DYNLRB2: variants seen among roughly 807,000 people sequenced by gnomAD.
The protein encoded by DYNLRB2 is dynein light chain roadblock-type 2.
Under a neutral mutation model 12.6 loss-of-function variants are expected in DYNLRB2, and 14 were observed. That is an observed-to-expected ratio of 1.11 (90% CI 0.73 to 1.73). The LOEUF (loss-of-function observed/expected upper bound fraction) is 1.73. Among genes scored for constraint, DYNLRB2 ranks in the 40% most tolerant of loss-of-function variants. DYNLRB2 has a pLI of 0.00. For synonymous variants in DYNLRB2, 53 were observed against 37.0 expected, an observed-to-expected ratio of 1.43 and a Z score of -1.57; for missense variants, 142 against 117.7, an observed-to-expected ratio of 1.21 and a Z score of -0.95.
rs752055022 is a variant in DYNLRB2, at chr16:80,549,624, A to G, written c.220A>G (p.Lys74Glu). Residue 74 changes from lysine to glutamate, a missense_variant, in exon 3 of 4, where the codon AAG becomes GAG. Lys to Glu is a moderately conservative substitution (Grantham distance 56). Coordinates refer to ENST00000305904, the MANE Select transcript of DYNLRB2 (RefSeq NM_130897.3). The part of the protein sequence containing the change: ...NDLTFLRIRS[K>E]KHEIMVAPDK... ...CCTGACTTTTCTTAGGATCAGATCA[A>G]AGAAACATGAAATCATGGTAGCTCC... 22 of 1,606,156 alleles carry G rather than the reference A, an allele frequency of 1.4e-5. No individual in the cohort carries two copies. The highest frequency in any genetic ancestry group is 1.8e-5 in the Non-Finnish European group (21 of 1,173,932).
chr16:80,543,181 G>A lies in DYNLRB2; in HGVS notation c.4-95G>A, dbSNP rs577335261. On this transcript the variant is annotated intron_variant, in intron 1 of 3. Transcript: ENST00000305904. ...CACACCTGGCACCTTAGGTTAAGGA[G>A]ATAGGAGAGTAGGTATCTTGCTAAA... The A allele has an allele frequency of 2.6e-4, 323 of 1,254,834 alleles. 1 individual carries two copies. The highest frequency in any genetic ancestry group is 1.2e-3 in the Middle Eastern group (6 of 5,080). 77.7% of individuals were successfully genotyped at this position (1,254,834 alleles called of 1,614,324 possible). A position where few individuals can be genotyped will look rare whatever the true frequency, so the allele number is the denominator to read the frequency against.
chr16:80,546,404 A>C (rs1446498396), intron 2 of DYNLRB2, among the ~76,000 whole-genome samples: 3 of 152,196 alleles, frequency 2.0e-5, no homozygotes, highest in South Asian at 4.1e-4. Context: ...TAGCATTTTC[A>C]GATTATATTT....
intron 2 of DYNLRB2, among the ~76,000 whole-genome samples, chr16:80,546,398 A>G (rs959734928): frequency 6.6e-6 from 1 of 152,158 alleles, no homozygotes; most frequent in Non-Finnish European, 1.5e-5. Context: ...TCATTTTAGC[A>G]TTTTCAGATT....
intron 1 of DYNLRB2, among the ~76,000 whole-genome samples, chr16:80,541,925 G>A (rs934581782): frequency 6.6e-6 from 1 of 152,160 alleles, no homozygotes; most frequent in Non-Finnish European, 1.5e-5. Flanking sequence ...AACATTCGTT[G>A]CTACATAAGA....
chr16:80,544,491 G>A (rs1442654326), intron 2 of DYNLRB2, among the ~76,000 whole-genome samples: 2 of 152,196 alleles, frequency 1.3e-5, no homozygotes, highest in African/African-American at 4.8e-5. Context: ...CACAAACTAT[G>A]CGTAATATTT....
intron 2 of DYNLRB2, among the ~76,000 whole-genome samples, chr16:80,543,994 A>G (rs1323508715): frequency 1.3e-5 from 2 of 152,212 alleles, no homozygotes; most frequent in Non-Finnish European, 2.9e-5. Context: ...AGTTCATGCT[A>G]GTTTCATTGC....
intron 2 of DYNLRB2, chr16:80,549,243 T>C (rs962918867): frequency 1.4e-5 from 6 of 432,484 alleles, no homozygotes; most frequent in Middle Eastern, 6.5e-4. Flanking sequence ...TTGTATGTTA[T>C]AATTTTGTGA....
Position 80,550,770 on chromosome 16 carries a change from T to G in DYNLRB2, c.*212T>G, listed in dbSNP as rs7191601. The G allele has an allele frequency of 0.025, 14,578 of 575,146 alleles. 1,554 individuals are homozygous for G. The highest frequency in any genetic ancestry group is 0.24 in the African/African-American group (12,774 of 53,466). 35.6% of individuals were successfully genotyped at this position (575,146 alleles called of 1,614,324 possible). ...CAATAAGTGAATTCTGGTATATACG[T>G]CTCTATTGTCTTATAATACACAAAA... On this transcript the variant is annotated 3_prime_UTR_variant, in exon 4 of 4. Coordinates refer to ENST00000305904, the MANE Select transcript of DYNLRB2 (RefSeq NM_130897.3).
chr16:80,546,356 C>G (rs1469924285), intron 2 of DYNLRB2, among the ~76,000 whole-genome samples: 1 of 152,202 alleles, frequency 6.6e-6, no homozygotes, highest in African/African-American at 2.4e-5. Context: ...TTGTTTTCTA[C>G]TAGCGGTTTT....
chr16:80,550,531 G>C lies in DYNLRB2; in HGVS notation c.264G>C (p.Leu88=), dbSNP rs201322838. The C allele has an allele frequency of 1.2e-6, 2 of 1,614,148 alleles. No homozygotes were observed. Among genetic ancestry groups the C allele is most frequent in the East Asian group, 4.5e-5 (2 of 44,872 alleles). ...TCTCCATAGATAAGGAATATCTTCT[G>C]ATCGTCATTCAGAATCCATGTGAAT... The part of the protein sequence containing the change: ...IMVAPDKEYL[L]IVIQNPCE The change falls in exon 4 of 4, where the codon CTG becomes CTC. Residue 88 remains leucine (L), a synonymous_variant. Coordinates refer to ENST00000305904, the MANE Select transcript of DYNLRB2 (RefSeq NM_130897.3).
At chr16:80,546,074 C>G (rs1480989219) in intron 2 of DYNLRB2, among the ~76,000 whole-genome samples, 2 of 152,100 alleles carry the variant, frequency 1.3e-5, no homozygotes, top group Admixed American at 6.6e-5. Flanking sequence ...TACCTGAAAG[C>G]CAAATTAACC....
upstream of DYNLRB2, chr16:80,540,974 T>A (rs186083546): frequency 8.2e-4 from 1,291 of 1,573,014 alleles, 11 homozygotes; most frequent in African/African-American, 0.016. Flanking sequence ...GACGCTTCCG[T>A]GGGGCCACTT....
At chr16:80,543,232 A>C in intron 1 of DYNLRB2, 44 bp from the exon 2 acceptor site, 1 of 1,597,590 alleles carries the variant, frequency 6.3e-7, no homozygotes, top group South Asian at 1.1e-5. Flanking sequence ...GGTTGAAGTT[A>C]CCACAGGGCC....
intron 2 of DYNLRB2, among the ~76,000 whole-genome samples, chr16:80,544,029 G>A (rs1452908041): frequency 6.6e-6 from 1 of 152,204 alleles, no homozygotes; most frequent in Non-Finnish European, 1.5e-5. Context: ...GTAAGGGCAA[G>A]GAGTGCCAGA....
chr16:80,548,629 G>T (rs146770988), intron 2 of DYNLRB2, among the ~76,000 whole-genome samples: 2,434 of 151,794 alleles, frequency 0.016, 35 homozygotes, highest in Middle Eastern at 0.072. Flanking sequence ...AACTGAGGCA[G>T]GAGAATTGCT....
At chr16:80,549,249 T>C in intron 2 of DYNLRB2, 1 of 441,238 alleles carries the variant, frequency 2.3e-6, no homozygotes, top group Non-Finnish European at 4.1e-6. Flanking sequence ...GTTATAATTT[T>C]GTGAAGAAAA....
At chr16:80,543,416 A>T in intron 2 of DYNLRB2, 65 bp downstream of exon 2, 2 of 1,493,782 alleles carry the variant, frequency 1.3e-6, no homozygotes, top group Non-Finnish European at 9.3e-7. Context: ...TTGCCGTGTT[A>T]GTCCTTAAGA....
At chr16:80,540,867 T>C, upstream of DYNLRB2, 1 of 837,634 alleles carries the variant, frequency 1.2e-6, no homozygotes, top group South Asian at 1.4e-5. Flanking sequence ...GAGCGCCTGC[T>C]CCCCTCTTCC....
intron 2 of DYNLRB2, among the ~76,000 whole-genome samples, chr16:80,543,653 C>A (rs1022240601): frequency 6.6e-6 from 1 of 152,082 alleles, no homozygotes; most frequent in Non-Finnish European, 1.5e-5. Context: ...TTCAGAAGTG[C>A]CAATAAAACT....
Sources: gnomAD v4.1 joint callset for allele counts (sites outside exome capture counted in the v4.1 genomes callset) on GRCh38, gnomAD v4.1.1 for gene constraint, MANE v1.5 for transcripts, NCBI Gene and HGNC (gene_info 2026-07-23, HGNC 2026-07-21) for gene names.